Variants in MYMK observed in about 807,000 individuals in gnomAD.
MYMK encodes the protein protein myomaker.
Under a neutral mutation model 22.4 loss-of-function variants are expected in MYMK, and 16 were observed. The observed-to-expected ratio is 0.72, with a 90% CI of 0.48 to 1.09. The LOEUF (loss-of-function observed/expected upper bound fraction) is 1.09. MYMK is among the 50% of genes least tolerant of loss of function. The pLI is 0.00. For missense variants in MYMK, 250 were observed against 295.6 expected, an observed-to-expected ratio of 0.85 and a Z score of 1.13; for synonymous variants, 125 against 127.0, an observed-to-expected ratio of 0.98 and a Z score of 0.11.
intron 1 of MYMK, among the ~76,000 whole-genome samples, chr9:133,521,848 A>G (rs889716478): frequency 6.6e-6 from 1 of 152,186 alleles, no homozygotes; most frequent in African/African-American, 2.4e-5. Flanking sequence ...GTGTGCCTCA[A>G]TGTAGCACAG....
intron 1 of MYMK, among the ~76,000 whole-genome samples, chr9:133,524,498 T>C (rs938361928): frequency 9.9e-5 from 15 of 152,166 alleles, no homozygotes; most frequent in African/African-American, 3.6e-4. Flanking sequence ...CCAGAGCAAC[T>C]TCCTGGCACA....
At position 133,522,346 on chromosome 9, in the gene MYMK, G is replaced by T. The variant is rs111267825; in HGVS notation, c.136-2058C>A. On this transcript the variant is annotated intron_variant, in intron 1 of 4. Coordinates refer to ENST00000339996, the MANE Select transcript of MYMK (RefSeq NM_001080483.3). ...GGGGGCTCAGGTGAGTGGCTGTCGG[G>T]GGGGGGCCTCCTCTGTTGTGTGGGG... Among the ~76,000 whole-genome samples the T allele has an allele frequency of 6.4e-3, 901 of 141,482 alleles. 16 individuals are homozygous for T. The highest frequency in any genetic ancestry group is 0.022 in the African/African-American group (857 of 39,194). The allele number at this position is 141,482 out of a possible 152,430, so 92.8% of individuals were successfully genotyped here. A position where few individuals can be genotyped will look rare whatever the true frequency, so the allele number is the denominator to read the frequency against.
At position 133,514,597 on chromosome 9, in the gene MYMK, TG is replaced by T; in HGVS notation, c.*38del. On this transcript the variant is annotated 3_prime_UTR_variant, in exon 5 of 5. Coordinates refer to ENST00000339996, the MANE Select transcript of MYMK (RefSeq NM_001080483.3). Reference sequence around the variant, plus strand: ...TCTGGGACTCTGGCCAAGTGTGAGCTGGGGAGGGCAGGGGCTCAGAGCCGGG... The same window carrying T: ...TCTGGGACTCTGGCCAAGTGTGAGCTGGGAGGGCAGGGGCTCAGAGCCGGG... 6 of 1,592,250 alleles carry T rather than the reference TG, an allele frequency of 3.8e-6. No homozygotes were observed. The highest frequency in any genetic ancestry group is 5.1e-6 in the Non-Finnish European group (6 of 1,168,494).
At chr9:133,520,431 C>A (rs943054231) in intron 1 of MYMK, 143 bp from the exon 2 acceptor site, 1 of 669,520 alleles carries the variant, frequency 1.5e-6, no homozygotes, top group South Asian at 1.8e-5. Context: ...TCAGTCTCCC[C>A]GTCTGAAAAA....
chr9:133,524,100 A>G (rs1844734437), intron 1 of MYMK, among the ~76,000 whole-genome samples: 1 of 151,940 alleles, frequency 6.6e-6, no homozygotes, highest in African/African-American at 2.4e-5. Context: ...CCAGAGAGAG[A>G]GCAAGCGGAG....
chr9:133,524,797 C>T lies in MYMK; in HGVS notation c.48G>A (p.Leu16=), dbSNP rs1273157129. The change falls in exon 1 of 5, where the codon CTG becomes CTA. Residue 16 remains leucine (L), a synonymous_variant. Coordinates refer to ENST00000339996, the MANE Select transcript of MYMK (RefSeq NM_001080483.3). ...CGATGCTGACAGTGGGGAGGAAGGC[C>T]AGGCTGCTGAGGGTGGGCAGGAGCA... ...AKLLLPTLSS[L]AFLPTVSIAA... 3.1e-6 allele frequency: 5 copies of T among 1,613,796 alleles called. No individual in the cohort carries two copies. The highest frequency in any genetic ancestry group is 4.2e-6 in the Non-Finnish European group (5 of 1,179,950).
In MYMK at chr9:133,515,866, C is replaced by A. The variant is rs1363021428; in HGVS notation, c.400-259G>T. On this transcript the variant is annotated intron_variant, in intron 3 of 4. Coordinates refer to ENST00000339996, the MANE Select transcript of MYMK (RefSeq NM_001080483.3). The surrounding 1 kb of genome is among the most constrained non-coding windows in gnomAD (Gnocchi z 5.8). ...TGGGCCATGTGCCCCACAAAGACCC[C>A]GCTGCCCTCCCGCCTCTTTGAGATG... Among the ~76,000 whole-genome samples the A allele has an allele frequency of 6.6e-6, 1 of 152,164 alleles. No individual in the cohort carries two copies. The highest frequency in any genetic ancestry group is 2.4e-5 in the African/African-American group (1 of 41,456).
Position 133,523,743 on chromosome 9 carries a change from TA to T in MYMK, c.135+966del, listed in dbSNP as rs1844731866. 2.1e-5 allele frequency among the ~76,000 whole-genome samples: 3 copies of T among 142,972 alleles called. No individual in the cohort carries two copies. The South Asian group carries it at 6.6e-4, about 32-fold the overall frequency. The allele number at this position is 142,972 out of a possible 152,430, so 93.8% of individuals were successfully genotyped here. On this transcript the variant is annotated intron_variant, in intron 1 of 4. Coordinates refer to ENST00000339996, the MANE Select transcript of MYMK (RefSeq NM_001080483.3). ...AGACAAGCTGGAGAAGGTGGATAGC[TA>T]AAGCCAGAGAGACACATGGAGAGTC...
At chr9:133,520,442 TGGG>T (rs1844689663) in intron 1 of MYMK, among the ~76,000 whole-genome samples, 154 bp from the exon 2 acceptor site, 3 of 152,184 alleles carry the variant, frequency 2.0e-5, no homozygotes, top group East Asian at 3.9e-4. Flanking sequence ...GTCTGAAAAA[TGGG>T]GGTACTGCCG....
chr9:133,519,115 G>A, intron 2 of MYMK, 93 bp from the exon 3 acceptor site: 2 of 1,478,770 alleles, frequency 1.4e-6, no homozygotes, highest in Non-Finnish European at 1.8e-6. Flanking sequence ...GAGGCATCCT[G>A]TAGATGCCCT....
At chr9:133,521,994 T>C (rs1844708498) in intron 1 of MYMK, among the ~76,000 whole-genome samples, 1 of 152,220 alleles carries the variant, frequency 6.6e-6, no homozygotes. Context: ...GCTGCATGTG[T>C]TCAGGGAGGG....
intron 4 of MYMK, 35 bp from the exon 5 acceptor site, chr9:133,514,820 C>A: frequency 6.3e-7 from 1 of 1,597,360 alleles, no homozygotes; most frequent in South Asian, 1.1e-5. Context: ...GGGGCCTCAG[C>A]CCCCTCCCCG....
At chr9:133,524,383 T>TG (rs993128290) in intron 1 of MYMK, among the ~76,000 whole-genome samples, 1 of 151,888 alleles carries the variant, frequency 6.6e-6, no homozygotes, top group African/African-American at 2.4e-5. Context: ...TGGGCAGCCG[T>TG]GGGGGCTTTG....
chr9:133,521,958 T>C (rs1312553112), intron 1 of MYMK, among the ~76,000 whole-genome samples: 6 of 152,330 alleles, frequency 3.9e-5, no homozygotes, highest in Admixed American at 2.0e-4. Context: ...CCCAGTTGCA[T>C]GGACGGCTCC....
chr9:133,515,502 A>G lies in MYMK; in HGVS notation c.505T>C (p.Phe169Leu). The G allele has an allele frequency of 6.2e-7, 1 of 1,611,174 alleles. No individual in the cohort carries two copies. Among genetic ancestry groups the G allele is most frequent in the Non-Finnish European group, 8.5e-7 (1 of 1,177,452 alleles). ...GCTGGGCTTGGTACCTCAAAGAAGAAGCGTAGCATCAGGGCCAGCGCCCCG... is the reference window on the plus strand; with the variant it reads ...GCTGGGCTTGGTACCTCAAAGAAGAGGCGTAGCATCAGGGCCAGCGCCCCG... Reference protein sequence around the residue: ...CFGALALMLRFFFEDWDYTYV... With the variant: ...CFGALALMLRLFFEDWDYTYV... Residue 169 changes from phenylalanine to leucine, a missense_variant, in exon 4 of 5, where the codon TTC becomes CTC. Physicochemically the swap from Phe to Leu is conservative, Grantham distance 22. Coordinates refer to ENST00000339996, the MANE Select transcript of MYMK (RefSeq NM_001080483.3). This position sits in a 1 kb window ranked among gnomAD's most constrained non-coding sequence, Gnocchi z 5.8.
In MYMK at chr9:133,520,207, C is replaced by T. The variant is rs747851880; in HGVS notation, c.217G>A (p.Gly73Arg). 4 of 1,614,060 alleles carry T rather than the reference C, an allele frequency of 2.5e-6. No individual in the cohort carries two copies. Among genetic ancestry groups the T allele is most frequent in the Non-Finnish European group, 2.5e-6 (3 of 1,180,012 alleles). The change falls in exon 2 of 5, where the codon GGG becomes AGG. Residue 73 changes from glycine to arginine, a missense_variant. By Grantham distance (125) the Gly-to-Arg change is moderately radical. Transcript: ENST00000339996. ...GAGACCCACATGCTCAGGGCTGTCC[C>T]GTAGACACTGAAATACTCCAGGATG... is the stretch of plus-strand genomic sequence containing the variant. ...HDILEYFSVY[G>R]TALSMWVSLM...
chr9:133,521,346 CG>C (rs1844700821), intron 1 of MYMK, among the ~76,000 whole-genome samples: 1 of 152,156 alleles, frequency 6.6e-6, no homozygotes, highest in South Asian at 2.1e-4. Flanking sequence ...CCCAGCTCAG[CG>C]GGAGGAGCAG....
At chr9:133,521,316 C>T (rs1844700438) in intron 1 of MYMK, among the ~76,000 whole-genome samples, 1 of 152,170 alleles carries the variant, frequency 6.6e-6, no homozygotes, top group Admixed American at 6.5e-5. Context: ...TGGGAAACAG[C>T]ACGGTGGACT....
In MYMK at chr9:133,515,662, C is replaced by T. The variant is rs1409082504; in HGVS notation, c.400-55G>A. On this transcript the variant is annotated intron_variant, in intron 3 of 4. Coordinates refer to ENST00000339996, the MANE Select transcript of MYMK (RefSeq NM_001080483.3). This position sits in a 1 kb window ranked among gnomAD's most constrained non-coding sequence, Gnocchi z 5.8. ...TTTAGGTCACAGCACTGGGGAACGC[C>T]CCTCCCCAAACCAGCCCGAGAGCTG... 7.9e-7 allele frequency: 1 copy of T among 1,260,990 alleles called. No individual in the cohort carries two copies. The highest frequency in any genetic ancestry group is 1.5e-5 in the African/African-American group (1 of 68,020). The allele number at this position is 1,260,990 out of a possible 1,614,324, so 78.1% of individuals were successfully genotyped here. A position where few individuals can be genotyped will look rare whatever the true frequency, so the allele number is the denominator to read the frequency against.
Sources: gnomAD v4.1 joint callset for allele counts (sites outside exome capture counted in the v4.1 genomes callset) on GRCh38, gnomAD v4.1.1 for gene constraint, Gnocchi (gnomAD v3.1) non-coding constraint, MANE v1.5 for transcripts, NCBI Gene and HGNC (gene_info 2026-07-23, HGNC 2026-07-21) for gene names.